RBFOX1: variants seen among roughly 807,000 people sequenced by gnomAD.
The protein encoded by RBFOX1 is RNA binding protein fox-1 homolog 1.
In RBFOX1, 8 loss-of-function variants were observed where a neutral mutation model predicts 57.7. The ratio of observed to expected loss-of-function variants is 0.14; its 90% CI spans 0.08 to 0.25. The LOEUF is 0.25. RBFOX1 is among the 10% of genes least tolerant of loss of function. The probability of loss-of-function intolerance (pLI) is 1.00; values close to 1 mark genes in which losing one functional copy is unlikely to be tolerated. For synonymous variants in RBFOX1, 326 were observed against 222.4 expected (o/e 1.47, Z -4.15); for missense variants, 611 against 548.5 (o/e 1.11, Z -1.14).
At chr16:7,572,664 C>T (rs997434645) in intron 5 of RBFOX1, among the ~76,000 whole-genome samples, 3 of 151,982 alleles carry the variant, frequency 2.0e-5, no homozygotes, top group African/African-American at 4.8e-5. Context: ...GCGGTGAAAC[C>T]CTGTCTCTAC....
intron 2 of RBFOX1, among the ~76,000 whole-genome samples, chr16:6,587,250 A>G (rs946090678): frequency 2.6e-5 from 4 of 151,932 alleles, no homozygotes; most frequent in Admixed American, 2.6e-4. Flanking sequence ...TTAAGATTCC[A>G]CATACAAATG....
chr16:7,692,286 C>G (rs1296995245), intron 14 of RBFOX1, among the ~76,000 whole-genome samples: 2 of 152,098 alleles, frequency 1.3e-5, no homozygotes, highest in Non-Finnish European at 2.9e-5. Context: ...TAGAATTTAA[C>G]TGAATGTGAA....
intron 5 of RBFOX1, among the ~76,000 whole-genome samples, chr16:7,548,273 G>A (rs7185398): frequency 0.17 from 25,897 of 151,942 alleles, 2,787 homozygotes; most frequent in East Asian, 0.35. Flanking sequence ...CTGGGTTCAC[G>A]TGCCTCCTGA....
chr16:6,567,638 C>A (rs200070848), intron 2 of RBFOX1, among the ~76,000 whole-genome samples: 2 of 152,102 alleles, frequency 1.3e-5, no homozygotes, highest in African/African-American at 4.8e-5. Flanking sequence ...ATTTCAGCGC[C>A]ACATCCCAGC....
rs569827485 is a variant in RBFOX1 at position 5,700,443 on chromosome 16, A to C, written c.318+101482A>C. Among the ~76,000 whole-genome samples the C allele has an allele frequency of 2.0e-5, 3 of 152,232 alleles. No homozygotes were observed. The East Asian group carries it at 5.8e-4, about 29-fold the overall frequency. ...GTTTCTCCTGTTATTCTATTGGCTC[A>C]CGTTCCTCATGAAAGCGTTTCATGA... On this transcript the variant is annotated intron_variant, in intron 3 of 19. Transcript: ENST00000641259.
At chr16:5,761,535 G>T (rs988061057) in intron 3 of RBFOX1, among the ~76,000 whole-genome samples, 9 of 152,184 alleles carry the variant, frequency 5.9e-5, no homozygotes, top group African/African-American at 1.7e-4. Flanking sequence ...GAAGAGGAAA[G>T]TCATGTCTTA....
At chr16:5,675,325 C>T (rs866169064) in intron 3 of RBFOX1, among the ~76,000 whole-genome samples, 7 of 152,162 alleles carry the variant, frequency 4.6e-5, no homozygotes, top group Non-Finnish European at 8.8e-5. Flanking sequence ...CCAGGAAGCT[C>T]TCCTCTTTGG....
At chr16:5,635,242 A>C (rs1347231417) in intron 3 of RBFOX1, among the ~76,000 whole-genome samples, 1 of 152,196 alleles carries the variant, frequency 6.6e-6, no homozygotes, top group Non-Finnish European at 1.5e-5. Flanking sequence ...AAGCTACTTC[A>C]TTCTATTGAC....
intron 2 of RBFOX1, among the ~76,000 whole-genome samples, chr16:6,537,786 C>T (rs766261590): frequency 3.3e-5 from 5 of 152,074 alleles, no homozygotes; most frequent in Non-Finnish European, 7.4e-5. Flanking sequence ...AAATAGTGCT[C>T]ACTGGTAGCT....
At chr16:6,552,899 T>C (rs931650506) in intron 2 of RBFOX1, among the ~76,000 whole-genome samples, 2 of 152,112 alleles carry the variant, frequency 1.3e-5, no homozygotes, top group Non-Finnish European at 2.9e-5. Context: ...TAACAAAATG[T>C]ATGTTATTAG....
intron 1 of RBFOX1, among the ~76,000 whole-genome samples, chr16:6,068,361 A>G (rs2095793956): frequency 6.6e-6 from 1 of 152,228 alleles, no homozygotes; most frequent in African/African-American, 2.4e-5. Context: ...TAAGGTAAAT[A>G]TTAAAAGCTG....
At chr16:6,186,226 T>A (rs2097104287) in intron 1 of RBFOX1, among the ~76,000 whole-genome samples, 1 of 152,194 alleles carries the variant, frequency 6.6e-6, no homozygotes, top group African/African-American at 2.4e-5. Flanking sequence ...AGTCTAAAAC[T>A]CAGTCATTTA....
At chr16:5,300,160 T>C (rs2151195939) in intron 1 of RBFOX1, among the ~76,000 whole-genome samples, 1 of 152,318 alleles carries the variant, frequency 6.6e-6, no homozygotes, top group Non-Finnish European at 1.5e-5. Flanking sequence ...TCTCATTTGG[T>C]CATATTGTAT....
At chr16:5,554,686 A>G (rs1302519068) in intron 2 of RBFOX1, among the ~76,000 whole-genome samples, 2 of 152,328 alleles carry the variant, frequency 1.3e-5, no homozygotes, top group Non-Finnish European at 1.5e-5. Context: ...TAGTATTGCA[A>G]CCTATTCCCA....
At chr16:5,285,273 C>T (rs377592870) in intron 1 of RBFOX1, among the ~76,000 whole-genome samples, 21 of 152,124 alleles carry the variant, frequency 1.4e-4, no homozygotes, top group South Asian at 6.2e-4. Context: ...TTTCTTTCAA[C>T]GATTTCTTCT....
intron 1 of RBFOX1, among the ~76,000 whole-genome samples, chr16:5,293,850 G>T (rs1263046102): frequency 6.6e-6 from 1 of 152,134 alleles, no homozygotes; most frequent in Non-Finnish European, 1.5e-5. Context: ...CAGGGATGAT[G>T]ATTGCTTAAC....
At chr16:5,724,428 C>T (rs2052055962) in intron 3 of RBFOX1, among the ~76,000 whole-genome samples, 1 of 152,094 alleles carries the variant, frequency 6.6e-6, no homozygotes, top group Admixed American at 6.5e-5. Context: ...TCCCTTGAGT[C>T]TCTATGTCTA....
At chr16:7,150,116 C>T (rs1450643875) in intron 4 of RBFOX1, among the ~76,000 whole-genome samples, 2 of 152,130 alleles carry the variant, frequency 1.3e-5, no homozygotes, top group East Asian at 1.9e-4. Flanking sequence ...GTGCTTATTC[C>T]GGTCATAGGG....
chr16:6,794,378 C>T (rs1253246914), intron 3 of RBFOX1, among the ~76,000 whole-genome samples: 2 of 147,898 alleles, frequency 1.4e-5, no homozygotes, highest in East Asian at 4.1e-4. Context: ...TCCTTAACTA[C>T]ACTCTTTGAA....
Sources: gnomAD v4.1 joint callset for allele counts (sites outside exome capture counted in the v4.1 genomes callset) on GRCh38, gnomAD v4.1.1 for gene constraint, MANE v1.5 for transcripts, NCBI Gene and HGNC (gene_info 2026-07-23, HGNC 2026-07-21) for gene names.